The following NBPF15 variants were observed in gnomAD, a reference collection of about 807,000 sequenced individuals.
NBPF15 encodes the protein NBPF family member NBPF15.
In NBPF15, 74 loss-of-function variants were observed where a neutral mutation model predicts 62.2. The ratio of observed to expected loss-of-function variants is 1.19; its 90% CI spans 0.99 to 1.44. The LOEUF (loss-of-function observed/expected upper bound fraction) is 1.44, where lower values mean the gene tolerates loss of function less well. Among genes scored for constraint, NBPF15 ranks in the 40% most tolerant of loss-of-function variants. The pLI, the probability that NBPF15 is intolerant of heterozygous loss-of-function variation, is 0.00. For synonymous variants in NBPF15, 244 were observed against 209.7 expected, an observed-to-expected ratio of 1.16 and a Z score of -1.41; for missense variants, 790 against 550.0, an observed-to-expected ratio of 1.44 and a Z score of -4.36.
At chr1:144,432,719 T>C (rs1265431811) in intron 13 of NBPF15, among the ~76,000 whole-genome samples, 1 of 152,036 alleles carries the variant, frequency 6.6e-6, no homozygotes, top group African/African-American at 2.4e-5. Context: ...AGAAGGCCAC[T>C]ACATAATGGT....
Position 144,440,244 on chromosome 1 carries a change from G to C in NBPF15, c.-139C>G. On this transcript the variant is annotated 5_prime_UTR_variant, in exon 7 of 22. Coordinates refer to ENST00000581897, the MANE Select transcript of NBPF15 (RefSeq NM_001385408.1). The stretch of plus-strand genomic sequence containing the variant: ...CAGAGCTGAAAGCACTGTCAGTAGC[G>C]CAGACTCTGATAAGAGTGAGGTAGA... 1 of 1,516,790 alleles carries C rather than the reference G, an allele frequency of 6.6e-7. No individual in the cohort carries two copies. The allele number at this position is 1,516,790 out of a possible 1,614,324, so 94.0% of individuals were successfully genotyped here.
chr1:144,440,450 T>C (rs1681919203), intron 6 of NBPF15, 155 bp from the exon 7 acceptor site: 1 of 552,256 alleles, frequency 1.8e-6, no homozygotes, highest in Non-Finnish European at 3.2e-6. Context: ...TCACTCTCAG[T>C]ATTCGTGTAC....
chr1:144,453,812 G>T (rs1272865346), intron 4 of NBPF15, among the ~76,000 whole-genome samples: 1 of 138,174 alleles, frequency 7.2e-6, no homozygotes, highest in Admixed American at 7.4e-5. Context: ...AACACAAAAC[G>T]GTGAACACAC....
intron 4 of NBPF15, among the ~76,000 whole-genome samples, chr1:144,452,215 G>A (rs1265484231): frequency 2.0e-5 from 3 of 151,926 alleles, no homozygotes; most frequent in African/African-American, 4.8e-5. Context: ...ATGTGAAAAT[G>A]TATCATCTCA....
intron 19 of NBPF15, among the ~76,000 whole-genome samples, chr1:144,425,159 C>T (rs1159978940): frequency 4.2e-5 from 6 of 142,510 alleles, no homozygotes; most frequent in Non-Finnish European, 3.0e-5. Flanking sequence ...AGGTGACACA[C>T]TGATGAGGGA....
rs1436425065 is a variant in NBPF15 at position 144,445,837 on chromosome 1, A to C, written c.-191+2938T>G. Among the ~76,000 whole-genome samples the C allele has an allele frequency of 5.5e-5, 8 of 146,186 alleles. 1 individual carries two copies. In the East Asian group the frequency reaches 1.6e-3, roughly 29 times the overall value. On this transcript the variant is annotated intron_variant, in intron 6 of 21. Coordinates refer to ENST00000581897, the MANE Select transcript of NBPF15 (RefSeq NM_001385408.1). ...GTTTTTGGTGTACTGGCCTTACATA[A>C]ATTTTGTTGACTTTCCTTTTTTTTT...
At position 144,423,133 on chromosome 1, in the gene NBPF15, C is replaced by G. The variant is rs782407041; in HGVS notation, c.1893G>C (p.Val631=). The G allele has an allele frequency of 1.9e-6, 3 of 1,611,586 alleles. No individual in the cohort carries two copies. The highest frequency in any genetic ancestry group is 3.3e-5 in the Admixed American group (2 of 59,990). ...TATGCTCTTCCTCAAATGAGTAAAA[C>G]ACACTTCTGTAGTGCTGGAATGAGT... is the stretch of plus-strand genomic sequence containing the variant. ...QPDSFQHYRS[V]FYSFEEEHIS... Residue 631 remains valine (V), a synonymous_variant, in exon 22 of 22, where the codon GTG becomes GTC. Coordinates refer to ENST00000581897, the MANE Select transcript of NBPF15 (RefSeq NM_001385408.1).
At chr1:144,453,232 C>T (rs587657328) in intron 4 of NBPF15, among the ~76,000 whole-genome samples, 1 of 150,912 alleles carries the variant, frequency 6.6e-6, no homozygotes, top group South Asian at 2.1e-4. Context: ...CAATTTAAAA[C>T]AGCAAAGATA....
intron 5 of NBPF15, among the ~76,000 whole-genome samples, chr1:144,449,714 C>G (rs1553545037): frequency 1.3e-5 from 2 of 151,356 alleles, no homozygotes; most frequent in South Asian, 2.1e-4. Context: ...TGGATTTTGC[C>G]CAGCTCCATT....
chr1:144,428,520 T>A (rs1671688499), intron 15 of NBPF15, 86 bp downstream of exon 15: 4 of 763,442 alleles, frequency 5.2e-6, no homozygotes, highest in African/African-American at 5.1e-5. Flanking sequence ...GACAAAATCA[T>A]TATTTTCAGC....
chr1:144,448,050 A>C (rs1688822198), intron 6 of NBPF15, among the ~76,000 whole-genome samples: 1 of 152,022 alleles, frequency 6.6e-6, no homozygotes, highest in African/African-American at 2.4e-5. Context: ...ACGCTTCTTC[A>C]CCTTTTCAAT....
At chr1:144,431,544 C>T (rs1210222549) in intron 13 of NBPF15, among the ~76,000 whole-genome samples, 11 of 148,822 alleles carry the variant, frequency 7.4e-5, no homozygotes, top group African/African-American at 2.7e-4. Context: ...GCACAACGTG[C>T]AGGTTAGTTA....
rs1190990249 is a variant in NBPF15 at position 144,435,333 on chromosome 1, G to A, written c.567-17C>T. On this transcript the variant is annotated splice_polypyrimidine_tract_variant and intron_variant, in intron 11 of 21. Coordinates refer to ENST00000581897, the MANE Select transcript of NBPF15 (RefSeq NM_001385408.1). ...TGCATCTCCCTGATGAGCCAGGTGGGACAGAGATGACAGAAGATTAAACAC... is the reference window on the plus strand; with the variant it reads ...TGCATCTCCCTGATGAGCCAGGTGGAACAGAGATGACAGAAGATTAAACAC... 1 of 1,474,834 alleles carries A rather than the reference G, an allele frequency of 6.8e-7. No individual in the cohort carries two copies. The highest frequency in any genetic ancestry group is 1.4e-5 in the African/African-American group (1 of 72,108). 91.4% of individuals were successfully genotyped at this position (1,474,834 alleles called of 1,614,324 possible).
At chr1:144,459,724 G>C (rs1433180621) in intron 2 of NBPF15, among the ~76,000 whole-genome samples, 2 of 151,720 alleles carry the variant, frequency 1.3e-5, no homozygotes, top group South Asian at 2.1e-4. Context: ...GACAATAAAA[G>C]ATACTCAATC....
intron 4 of NBPF15, among the ~76,000 whole-genome samples, chr1:144,455,165 G>A (rs587621641): frequency 2.0e-5 from 3 of 148,456 alleles, no homozygotes; most frequent in East Asian, 2.0e-4. Flanking sequence ...GGAAGGCAGG[G>A]AGGGAGAGAG....
rs587674859 is a variant in NBPF15, at chr1:144,444,266, G to C, written c.-190-3971C>G. ...ACTGAGTGGTTCAATTAAATATTAA[G>C]AGGAAAAAAAAAAAAAGAAGCCAGT... On this transcript the variant is annotated intron_variant, in intron 6 of 21. Coordinates refer to ENST00000581897, the MANE Select transcript of NBPF15 (RefSeq NM_001385408.1). Among the ~76,000 whole-genome samples the C allele has an allele frequency of 8.4e-5, 12 of 142,438 alleles. No homozygotes were observed. The East Asian group carries it at 2.4e-3, about 28-fold the overall frequency. 93.4% of individuals were successfully genotyped at this position (142,438 alleles called of 152,430 possible).
chr1:144,445,797 A>T (rs1156367215), intron 6 of NBPF15, among the ~76,000 whole-genome samples: 1 of 150,948 alleles, frequency 6.6e-6, no homozygotes, highest in South Asian at 2.1e-4. Flanking sequence ...TAATTTCTCA[A>T]AGCAATTTTT....
Position 144,422,940 on chromosome 1 carries a change from C to T in NBPF15, c.*73G>A, listed in dbSNP as rs76075673. On this transcript the variant is annotated 3_prime_UTR_variant, in exon 22 of 22. Coordinates refer to ENST00000581897, the MANE Select transcript of NBPF15 (RefSeq NM_001385408.1). Reference sequence around the variant, plus strand: ...GTCTGGGCTTCCAAATGGAACTGTACTTTCATTCAAATCTTCTCGTGCCTA... The same window carrying T: ...GTCTGGGCTTCCAAATGGAACTGTATTTTCATTCAAATCTTCTCGTGCCTA... 6 of 1,611,470 alleles carry T rather than the reference C, an allele frequency of 3.7e-6. No homozygotes were observed. The highest frequency in any genetic ancestry group is 2.7e-5 in the African/African-American group (2 of 74,902).
chr1:144,433,100 A>G (rs1367050071), intron 13 of NBPF15, among the ~76,000 whole-genome samples: 3 of 151,828 alleles, frequency 2.0e-5, no homozygotes, highest in Non-Finnish European at 4.4e-5. Flanking sequence ...ATCACAACAA[A>G]CTGTCAGACC....
Sources: gnomAD v4.1 joint callset for allele counts (sites outside exome capture counted in the v4.1 genomes callset) on GRCh38, gnomAD v4.1.1 for gene constraint, MANE v1.5 for transcripts, NCBI Gene and HGNC (gene_info 2026-07-23, HGNC 2026-07-21) for gene names.